GLCCI1: variants seen among roughly 807,000 people sequenced by gnomAD.
GLCCI1 encodes glucocorticoid induced 1, also known as glucocorticoid-induced transcript 1 protein.
Under a neutral mutation model 52.2 loss-of-function variants are expected in GLCCI1, and 24 were observed. That is an observed-to-expected ratio of 0.46 (90% CI 0.33 to 0.65). The LOEUF is 0.65. GLCCI1 is among the 30% of genes least tolerant of loss of function. The probability of loss-of-function intolerance (pLI) is 0.02; values close to 1 mark genes in which losing one functional copy is unlikely to be tolerated. For synonymous variants in GLCCI1, 310 were observed against 276.5 expected (o/e 1.12, Z -1.20); for missense variants, 704 against 701.5 (o/e 1.00, Z -0.04).
At chr7:8,019,930 G>A (rs1041129408) in intron 2 of GLCCI1, among the ~76,000 whole-genome samples, 14 of 152,152 alleles carry the variant, frequency 9.2e-5, no homozygotes, top group African/African-American at 3.4e-4. Flanking sequence ...GGGTATTACC[G>A]TAAACTACTG....
At chr7:8,081,091 G>C (rs1245287786) in intron 6 of GLCCI1, among the ~76,000 whole-genome samples, 2 of 152,116 alleles carry the variant, frequency 1.3e-5, no homozygotes, top group Non-Finnish European at 2.9e-5. Context: ...CCTAGGCCTA[G>C]GAAGAAGTCA....
At chr7:8,061,603 T>TA (rs1396596556) in intron 5 of GLCCI1, among the ~76,000 whole-genome samples, 1 of 151,036 alleles carries the variant, frequency 6.6e-6, no homozygotes, top group Non-Finnish European at 1.5e-5. Flanking sequence ...TTATATATAT[T>TA]ACAACATCAA....
At position 8,061,455 on chromosome 7, in the gene GLCCI1, C is replaced by T. The variant is rs76448185; in HGVS notation, c.966+1207C>T. 2.2e-3 allele frequency among the ~76,000 whole-genome samples: 327 copies of T among 151,974 alleles called. 2 individuals are homozygous for T. The highest frequency in any genetic ancestry group is 3.6e-3 in the Non-Finnish European group (243 of 67,960). ...GAAATATTTATTTAGATCTTTTGCC[C>T]CATTTTAAAATTGGCAGTGAAATTG... On this transcript the variant is annotated intron_variant, in intron 5 of 7. Coordinates refer to ENST00000223145, the MANE Select transcript of GLCCI1 (RefSeq NM_138426.4).
At chr7:8,075,039 C>T (rs1015616046) in intron 6 of GLCCI1, among the ~76,000 whole-genome samples, 7 of 152,192 alleles carry the variant, frequency 4.6e-5, no homozygotes, top group South Asian at 4.2e-4. Flanking sequence ...ATTTTATATA[C>T]GTATTCTTTT....
Position 8,070,860 on chromosome 7 carries a change from CT to C in GLCCI1, c.967-58del. ...ATGAAATCAAGGGAAATACTATGTGCTTTCTATGTAGATGAATATATGCACC... is the reference window on the plus strand; with the variant it reads ...ATGAAATCAAGGGAAATACTATGTGCTTCTATGTAGATGAATATATGCACC... On this transcript the variant is annotated intron_variant, in intron 5 of 7. Coordinates refer to ENST00000223145, the MANE Select transcript of GLCCI1 (RefSeq NM_138426.4). 2.1e-6 allele frequency: 3 copies of C among 1,411,162 alleles called. No individual in the cohort carries two copies. The South Asian group carries it at 3.6e-5, about 17-fold the overall frequency. 87.4% of individuals were successfully genotyped at this position (1,411,162 alleles called of 1,614,324 possible). A position where few individuals can be genotyped will look rare whatever the true frequency, so the allele number is the denominator to read the frequency against.
intron 1 of GLCCI1, among the ~76,000 whole-genome samples, chr7:7,995,931 T>TA (rs926252746): frequency 3.9e-5 from 6 of 151,930 alleles, no homozygotes; most frequent in Admixed American, 1.3e-4. Context: ...TAAGTTCAAT[T>TA]AAAAAAAATA....
chr7:8,076,840 T>C (rs1782885813), intron 6 of GLCCI1, among the ~76,000 whole-genome samples: 2 of 152,154 alleles, frequency 1.3e-5, no homozygotes, highest in Non-Finnish European at 2.9e-5. Flanking sequence ...GGAGATTTTT[T>C]TGAGTATTAA....
intron 5 of GLCCI1, among the ~76,000 whole-genome samples, chr7:8,063,931 G>A (rs756268213): frequency 6.6e-6 from 1 of 152,028 alleles, no homozygotes; most frequent in Non-Finnish European, 1.5e-5. Flanking sequence ...CTGGCCATTT[G>A]CCCACTTTTT....
At chr7:8,069,033 C>G (rs1361388486) in intron 5 of GLCCI1, among the ~76,000 whole-genome samples, 1 of 152,212 alleles carries the variant, frequency 6.6e-6, no homozygotes, top group Non-Finnish European at 1.5e-5. Context: ...CGCTCCCTGT[C>G]AGTGCTCTGA....
chr7:7,968,859 G>A lies in GLCCI1; in HGVS notation c.-492G>A. The A allele has an allele frequency of 6.3e-6, 1 of 159,870 alleles. No individual in the cohort carries two copies. The highest frequency in any genetic ancestry group is 1.4e-5 in the Non-Finnish European group (1 of 72,926). 9.9% of individuals were successfully genotyped at this position (159,870 alleles called of 1,614,324 possible). On this transcript the variant is annotated 5_prime_UTR_variant, in exon 1 of 8. Transcript: ENST00000223145. ...CGGCGGCGGCGGCGTTTGCGGTGGC[G>A]CGGACTCCGAGGAGCGCCAGCACCT...
intron 3 of GLCCI1, among the ~76,000 whole-genome samples, chr7:8,046,529 T>G (rs796311336): frequency 6.2e-4 from 95 of 152,344 alleles, no homozygotes; most frequent in African/African-American, 1.9e-3. Flanking sequence ...TTCTGCATGA[T>G]AAAAGTTTGG....
intron 2 of GLCCI1, among the ~76,000 whole-genome samples, chr7:8,004,816 G>A (rs1056124377): frequency 2.6e-5 from 4 of 152,158 alleles, no homozygotes; most frequent in African/African-American, 9.7e-5. Context: ...TAAATGTGAG[G>A]GCATTCAAAG....
rs1300084501 is a variant in GLCCI1 at position 8,022,498 on chromosome 7, G to T, written c.625G>T (p.Ala209Ser). 1.9e-6 allele frequency: 3 copies of T among 1,578,032 alleles called. No homozygotes were observed. The Admixed American group carries it at 5.2e-5, about 27-fold the overall frequency. ...TTTTTTAAAGACACCTAGCTGTTGGGCAGAAGAGGGTGCAGAAAAGAGGTC... is the reference window on the plus strand; with the variant it reads ...TTTTTTAAAGACACCTAGCTGTTGGTCAGAAGAGGGTGCAGAAAAGAGGTC... ...DKATQTPSCW[A>S]EEGAEKRSHQ... Residue 209 changes from alanine (A) to serine (S), a missense_variant, in exon 3 of 8, where the codon GCA (alanine) becomes TCA (serine). By Grantham distance (99) the Ala-to-Ser change is moderately conservative. Transcript: ENST00000223145.
At position 8,036,832 on chromosome 7, in the gene GLCCI1, A is replaced by G. The variant is rs900648378; in HGVS notation, c.696+14263A>G. Among the ~76,000 whole-genome samples, 5 of 152,336 alleles carry G rather than the reference A, an allele frequency of 3.3e-5. No individual in the cohort carries two copies. In the East Asian group the frequency reaches 5.8e-4, roughly 18 times the overall value. On this transcript the variant is annotated intron_variant, in intron 3 of 7. Transcript: ENST00000223145. ...TCAGAGCATGAAGACAGGTCCTGCAAGTTAATCCAGCTAGAAAAAGAAAAC... is the reference window on the plus strand; with the variant it reads ...TCAGAGCATGAAGACAGGTCCTGCAGGTTAATCCAGCTAGAAAAAGAAAAC...
intron 2 of GLCCI1, among the ~76,000 whole-genome samples, chr7:8,022,177 A>G (rs531392864): frequency 6.6e-6 from 1 of 152,312 alleles, no homozygotes; most frequent in East Asian, 1.9e-4. Context: ...TATTCTCTTT[A>G]AAAACACCAA....
rs769822474 is a variant in GLCCI1, at chr7:8,086,554, C to A, written c.*16C>A. The A allele has an allele frequency of 6.4e-7, 1 of 1,555,988 alleles. No individual in the cohort carries two copies. On this transcript the variant is annotated 3_prime_UTR_variant, in exon 8 of 8. Coordinates refer to ENST00000223145, the MANE Select transcript of GLCCI1 (RefSeq NM_138426.4). The surrounding 1 kb of genome is among the most constrained non-coding windows in gnomAD (Gnocchi z 4.4). ...GATCATCTAAAAAAGGGGGAGCTGGCCTCCACCCTATGTTCCATGGATTCG... is the reference window on the plus strand; with the variant it reads ...GATCATCTAAAAAAGGGGGAGCTGGACTCCACCCTATGTTCCATGGATTCG...
chr7:7,992,380 A>T (rs912605952), intron 1 of GLCCI1, among the ~76,000 whole-genome samples: 4 of 151,990 alleles, frequency 2.6e-5, no homozygotes, highest in African/African-American at 9.7e-5. Flanking sequence ...TCTTATGTTA[A>T]TTCCTTTCCA....
At chr7:8,059,900 T>G (rs765173621) in intron 4 of GLCCI1, among the ~76,000 whole-genome samples, 196 bp from the exon 5 acceptor site, 2 of 152,226 alleles carry the variant, frequency 1.3e-5, no homozygotes, top group Non-Finnish European at 2.9e-5. Context: ...GAAAGGATTA[T>G]TTTGACTATG....
intron 2 of GLCCI1, among the ~76,000 whole-genome samples, chr7:8,010,590 G>A (rs1431730360): frequency 6.6e-6 from 1 of 152,056 alleles, no homozygotes; most frequent in Non-Finnish European, 1.5e-5. Context: ...AATATTTCAG[G>A]TTATGTATTT....
Sources: gnomAD v4.1 joint callset for allele counts (sites outside exome capture counted in the v4.1 genomes callset) on GRCh38, gnomAD v4.1.1 for gene constraint, Gnocchi (gnomAD v3.1) non-coding constraint, MANE v1.5 for transcripts, NCBI Gene and HGNC (gene_info 2026-07-23, HGNC 2026-07-21) for gene names.